The following BAZ1B variants were observed in gnomAD, a reference collection of about 807,000 sequenced individuals.
BAZ1B encodes the protein bromodomain adjacent to zinc finger domain 1B.
BAZ1B carries 22 observed loss-of-function variants against 153.8 expected under a neutral mutation model. The ratio of observed to expected loss-of-function variants is 0.14; its 90% CI spans 0.10 to 0.20. The LOEUF (loss-of-function observed/expected upper bound fraction) is 0.20. Among genes scored for constraint, BAZ1B ranks in the 10% least tolerant of loss-of-function variants. The pLI is 1.00. For synonymous variants in BAZ1B, 676 were observed against 633.4 expected, an observed-to-expected ratio of 1.07 and a Z score of -1.01; for missense variants, 1,325 against 1,799.3, an observed-to-expected ratio of 0.74 and a Z score of 4.77.
chr7:73,458,740 G>A (rs139422040), intron 13 of BAZ1B, among the ~76,000 whole-genome samples: 1 of 151,016 alleles, frequency 6.6e-6, no homozygotes, highest in East Asian at 1.9e-4. Context: ...AAAATATCTA[G>A]AGCAAGCATG....
At chr7:73,500,972 C>G (rs1185287408) in intron 3 of BAZ1B, among the ~76,000 whole-genome samples, 1 of 151,290 alleles carries the variant, frequency 6.6e-6, no homozygotes, top group Non-Finnish European at 1.5e-5. Flanking sequence ...CAACAGAGTT[C>G]AAGGCCGGGC....
intron 4 of BAZ1B, among the ~76,000 whole-genome samples, chr7:73,493,520 C>G (rs1469804034): frequency 6.6e-6 from 1 of 151,376 alleles, no homozygotes; most frequent in Non-Finnish European, 1.5e-5. Context: ...CTAACTTAGT[C>G]TGGAAGGTAG....
intron 9 of BAZ1B, among the ~76,000 whole-genome samples, chr7:73,467,340 T>C (rs1029269801): frequency 5.3e-5 from 8 of 152,242 alleles, no homozygotes; most frequent in Admixed American, 3.9e-4. Flanking sequence ...CACATAACTT[T>C]GTTTAGTCTT....
chr7:73,473,180 T>A (rs1201676075), intron 7 of BAZ1B, among the ~76,000 whole-genome samples: 1 of 152,192 alleles, frequency 6.6e-6, no homozygotes, highest in Non-Finnish European at 1.5e-5. Flanking sequence ...GACCTCGTGA[T>A]CTGCCTGCCT....
chr7:73,482,042 AAAAC>A (rs1236409818), intron 6 of BAZ1B, among the ~76,000 whole-genome samples: 11 of 152,322 alleles, frequency 7.2e-5, no homozygotes, highest in Non-Finnish European at 1.2e-4. Flanking sequence ...CTGTCTCAAA[AAAAC>A]AAACAAACAA....
Position 73,521,816 on chromosome 7 carries a change from G to A in BAZ1B, c.107+11C>T, listed in dbSNP as rs1427325576. ...CGGCCCAGCCCGGCCCGCGCGGCTG[G>A]AAAAGGATACTCCCGGGTGCGGAAG... On this transcript the variant is annotated intron_variant, in intron 1 of 19. Coordinates refer to ENST00000339594, the MANE Select transcript of BAZ1B (RefSeq NM_032408.4). 6 of 1,488,072 alleles carry A rather than the reference G, an allele frequency of 4.0e-6. No homozygotes were observed. The African/African-American group carries it at 4.4e-5, about 11-fold the overall frequency. The allele number at this position is 1,488,072 out of a possible 1,614,324, so 92.2% of individuals were successfully genotyped here.
intron 16 of BAZ1B, among the ~76,000 whole-genome samples, chr7:73,445,038 C>T (rs1365927072): frequency 6.6e-6 from 1 of 150,416 alleles, no homozygotes; most frequent in Non-Finnish European, 1.5e-5. Context: ...AACACACACA[C>T]ACACACACAC....
intron 2 of BAZ1B, among the ~76,000 whole-genome samples, chr7:73,509,847 T>C (rs1374510858): frequency 1.3e-5 from 2 of 151,420 alleles, no homozygotes; most frequent in African/African-American, 2.4e-5. Context: ...TCATACCCGG[T>C]TGGGTGCAGT....
chr7:73,503,818 C>T (rs1371593914), intron 3 of BAZ1B, among the ~76,000 whole-genome samples: 1 of 152,184 alleles, frequency 6.6e-6, no homozygotes, highest in African/African-American at 2.4e-5. Flanking sequence ...CAAGACTCCC[C>T]TTGCCCTCTA....
At chr7:73,448,820 T>C (rs1787928527) in intron 15 of BAZ1B, among the ~76,000 whole-genome samples, 1 of 152,032 alleles carries the variant, frequency 6.6e-6, no homozygotes, top group Non-Finnish European at 1.5e-5. Flanking sequence ...AGGCCAGGAA[T>C]TGGGATGTTA....
At chr7:73,451,214 C>T (rs1374379864) in intron 13 of BAZ1B, among the ~76,000 whole-genome samples, 1 of 152,192 alleles carries the variant, frequency 6.6e-6, no homozygotes, top group Non-Finnish European at 1.5e-5. Context: ...TGGGGACAAG[C>T]ATCTTCTAGG....
chr7:73,484,000 G>A (rs1280156908), intron 6 of BAZ1B, among the ~76,000 whole-genome samples: 2 of 152,170 alleles, frequency 1.3e-5, no homozygotes, highest in Non-Finnish European at 2.9e-5. Context: ...GGGTGTGGTG[G>A]CTCATGCCTG....
At chr7:73,519,949 GT>G (rs34588228) in intron 1 of BAZ1B, among the ~76,000 whole-genome samples, 9,773 of 152,166 alleles carry the variant, frequency 0.064, 362 homozygotes, top group African/African-American at 0.088. Flanking sequence ...GCTCACGCCT[GT>G]TAATCCCAGT....
At position 73,459,445 on chromosome 7, in the gene BAZ1B, A is replaced by G. The variant is rs1311834726; in HGVS notation, c.3432+91T>C. 3.7e-6 allele frequency: 5 copies of G among 1,333,996 alleles called. No homozygotes were observed. The African/African-American group carries it at 4.4e-5, about 12-fold the overall frequency. The allele number at this position is 1,333,996 out of a possible 1,614,324, so 82.6% of individuals were successfully genotyped here. Reference sequence around the variant, plus strand: ...AACACTCACTCAGGGCACAGTGCCTATAGCAGCTAAAATGCATAGGGTTAG... The same window carrying G: ...AACACTCACTCAGGGCACAGTGCCTGTAGCAGCTAAAATGCATAGGGTTAG... On this transcript the variant is annotated intron_variant, in intron 13 of 19. Transcript: ENST00000339594.
chr7:73,494,370 G>A (rs1002671766), intron 4 of BAZ1B, among the ~76,000 whole-genome samples: 6 of 151,824 alleles, frequency 4.0e-5, no homozygotes, highest in African/African-American at 1.4e-4. Flanking sequence ...GCAACAGAGC[G>A]AGACTCTGTC....
intron 7 of BAZ1B, among the ~76,000 whole-genome samples, chr7:73,471,038 A>G (rs1397613543): frequency 6.6e-6 from 1 of 152,166 alleles, no homozygotes; most frequent in Non-Finnish European, 1.5e-5. Flanking sequence ...CCCAGCCAAA[A>G]TATCACTTCT....
At chr7:73,486,713 T>C (rs1789422880) in intron 6 of BAZ1B, among the ~76,000 whole-genome samples, 1 of 152,200 alleles carries the variant, frequency 6.6e-6, no homozygotes, top group South Asian at 2.1e-4. Context: ...AACATTACAT[T>C]CTACAAAAAC....
At chr7:73,461,056 A>G (rs1788378353) in intron 12 of BAZ1B, among the ~76,000 whole-genome samples, 2 of 151,546 alleles carry the variant, frequency 1.3e-5, no homozygotes, top group South Asian at 4.2e-4. Flanking sequence ...GCTCACTGCA[A>G]CCTCCGCCTC....
intron 14 of BAZ1B, 45 bp from the exon 15 acceptor site, chr7:73,449,734 C>A: frequency 6.3e-7 from 1 of 1,598,662 alleles, no homozygotes; most frequent in South Asian, 1.1e-5. Context: ...AGCACAGCAG[C>A]AGTCAATGAG....
Sources: gnomAD v4.1 joint callset for allele counts (sites outside exome capture counted in the v4.1 genomes callset) on GRCh38, gnomAD v4.1.1 for gene constraint, MANE v1.5 for transcripts, NCBI Gene and HGNC (gene_info 2026-07-23, HGNC 2026-07-21) for gene names.